The following BANP variants were observed in gnomAD, a reference collection of about 807,000 sequenced individuals.
BANP encodes the protein protein BANP.
In BANP, 11 loss-of-function variants were observed where a neutral mutation model predicts 68.1. That is an observed-to-expected ratio of 0.16 (90% CI 0.10 to 0.27). The LOEUF (loss-of-function observed/expected upper bound fraction) is 0.27. Ranked by LOEUF, BANP falls within the 10% of genes least tolerant of loss-of-function variation. The pLI, the probability that BANP is intolerant of heterozygous loss-of-function variation, is 1.00. For synonymous variants in BANP, 329 were observed against 303.2 expected, an observed-to-expected ratio of 1.09 and a Z score of -0.88; for missense variants, 504 against 722.7, an observed-to-expected ratio of 0.70 and a Z score of 3.47.
chr16:88,031,664 G>T (rs1026716040), intron 8 of BANP, among the ~76,000 whole-genome samples: 3 of 145,432 alleles, frequency 2.1e-5, no homozygotes, highest in African/African-American at 7.9e-5. Context: ...AAAAAAAAAA[G>T]AAACCCAACA....
intron 1 of BANP, among the ~76,000 whole-genome samples, chr16:87,969,554 A>G (rs1159365477): frequency 7.1e-6 from 1 of 140,898 alleles, no homozygotes; most frequent in African/African-American, 2.7e-5. Flanking sequence ...TTTTTTTGAG[A>G]CAGAGTCTCC....
intron 13 of BANP, among the ~76,000 whole-genome samples, chr16:88,073,335 T>C (rs8062855): frequency 0.22 from 34,039 of 152,136 alleles, 4,039 homozygotes; most frequent in South Asian, 0.28. Context: ...CTGTAGAAGG[T>C]CTGGCCCCTC....
At position 88,077,189 on chromosome 16, in the gene BANP, C is replaced by T. The variant is rs2091736118; in HGVS notation, c.*528C>T. 6.5e-6 allele frequency: 1 copy of T among 153,218 alleles called. No individual in the cohort carries two copies. The highest frequency in any genetic ancestry group is 2.4e-5 in the African/African-American group (1 of 41,454). The allele number at this position is 153,218 out of a possible 1,614,324, so 9.5% of individuals were successfully genotyped here. A position where few individuals can be genotyped will look rare whatever the true frequency, so the allele number is the denominator to read the frequency against. On this transcript the variant is annotated 3_prime_UTR_variant, in exon 14 of 14. Coordinates refer to ENST00000682872, the MANE Select transcript of BANP (RefSeq NM_001386991.1). ...CTTTGCTGTGTGCTCTGTCCAGTGT[C>T]ATGAGGCAGGTGTTTGCAAAGCCAG...
intron 1 of BANP, among the ~76,000 whole-genome samples, chr16:87,969,262 T>C (rs1455795171): frequency 6.6e-6 from 1 of 151,846 alleles, no homozygotes; most frequent in Non-Finnish European, 1.5e-5. Flanking sequence ...TTGTTGTTTG[T>C]ATGTAGGTCT....
intron 1 of BANP, among the ~76,000 whole-genome samples, chr16:87,965,138 A>T (rs1378509278): frequency 2.0e-5 from 3 of 152,088 alleles, no homozygotes; most frequent in Non-Finnish European, 4.4e-5. Flanking sequence ...CAGGAAGTGG[A>T]TGTGGGACCA....
At chr16:87,987,176 T>C (rs1372694716) in intron 4 of BANP, among the ~76,000 whole-genome samples, 2 of 152,096 alleles carry the variant, frequency 1.3e-5, no homozygotes, top group South Asian at 2.1e-4. Context: ...CCTCCCAGGC[T>C]CAAGCAATTC....
chr16:87,977,418 C>CAAAA (rs56077067), intron 2 of BANP, among the ~76,000 whole-genome samples: 46,823 of 139,608 alleles, frequency 0.34, 9,053 homozygotes, highest in Non-Finnish European at 0.46. Flanking sequence ...GACTCCGTCT[C>CAAAA]AAAAAAAAAA....
chr16:87,958,362 C>T lies in BANP; in HGVS notation c.-69+6847C>T, dbSNP rs113772471. 7.9e-5 allele frequency among the ~76,000 whole-genome samples: 12 copies of T among 152,252 alleles called. 1 individual carries two copies. The highest frequency in any genetic ancestry group is 2.6e-4 in the African/African-American group (11 of 41,542). On this transcript the variant is annotated intron_variant, in intron 1 of 13. Transcript: ENST00000682872. ...AAGGAGCATGGTTCGGAGTGGCTAA[C>T]GGGTAGGTATCGACTCAGGAAACTT...
intron 4 of BANP, among the ~76,000 whole-genome samples, chr16:87,995,909 C>G (rs2067065672): frequency 6.6e-6 from 1 of 152,212 alleles, no homozygotes. Flanking sequence ...TCCTGCGGTG[C>G]CCGGGGTGCG....
Position 88,024,159 on chromosome 16 carries a change from C to T in BANP, c.896-3324C>T, listed in dbSNP as rs766960342. Among the ~76,000 whole-genome samples the T allele has an allele frequency of 3.9e-5, 6 of 152,298 alleles. No homozygotes were observed. In the East Asian group the frequency reaches 1.2e-3, roughly 29 times the overall value. On this transcript the variant is annotated intron_variant, in intron 7 of 13. Transcript: ENST00000682872. ...GAGGGAGCTCAGGACAGCAGAGTCA[C>T]GTGTGCGGGGCTGTGCGTGTTCTTC...
chr16:87,956,445 C>G (rs1401471717), intron 1 of BANP: 3 of 152,264 alleles, frequency 2.0e-5, no homozygotes, highest in Non-Finnish European at 2.9e-5. Flanking sequence ...CAGAAGTGCT[C>G]TGAACCATCC....
intron 4 of BANP, 63 bp downstream of exon 4, chr16:87,984,322 G>T: frequency 2.2e-6 from 3 of 1,383,500 alleles, no homozygotes; most frequent in South Asian, 1.3e-5. Flanking sequence ...TCACCTCCTC[G>T]CCCAGGCCCG....
chr16:87,964,513 A>T (rs749590920), intron 1 of BANP, among the ~76,000 whole-genome samples: 107 of 152,362 alleles, frequency 7.0e-4, no homozygotes, highest in South Asian at 2.1e-3. Context: ...CCTGAGAAGC[A>T]TGGGGAGGCC....
chr16:88,065,308 C>G lies in BANP; in HGVS notation c.1353C>G (p.Ser451=), dbSNP rs757357170. The change falls in exon 12 of 14, where the codon TCC becomes TCG. Residue 451 remains serine, a synonymous_variant. Coordinates refer to ENST00000682872, the MANE Select transcript of BANP (RefSeq NM_001386991.1). ...ATRIPCLLAP[S]VFKASSGQVL... ...GCATCCCCTGCCTCCTGGCCCCATC[C>G]GTCTTCAAAGCCAGCAGTGGCCAGG... is the stretch of plus-strand genomic sequence containing the variant. 1.3e-6 allele frequency: 1 copy of G among 770,010 alleles called. No homozygotes were observed. The highest frequency in any genetic ancestry group is 1.7e-5 in the African/African-American group (1 of 59,136). 47.7% of individuals were successfully genotyped at this position (770,010 alleles called of 1,614,324 possible).
chr16:87,968,125 G>A (rs1054662088), intron 1 of BANP, among the ~76,000 whole-genome samples: 2 of 151,662 alleles, frequency 1.3e-5, no homozygotes, highest in African/African-American at 2.4e-5. Context: ...ACCCCAAAAC[G>A]TTTTAAATGC....
intron 4 of BANP, among the ~76,000 whole-genome samples, chr16:87,994,046 A>G (rs1424606129): frequency 6.6e-6 from 1 of 151,982 alleles, no homozygotes; most frequent in Non-Finnish European, 1.5e-5. Flanking sequence ...CCCTGGCGTT[A>G]GAGACCAGGA....
intron 5 of BANP, 33 bp from the exon 6 acceptor site, chr16:88,006,057 A>G (rs756491605): frequency 6.2e-7 from 1 of 1,612,876 alleles, no homozygotes; most frequent in African/African-American, 1.3e-5. Context: ...GGCTCTTACC[A>G]CATCGGGCTG....
In BANP at chr16:88,003,472, C is replaced by T. The variant is rs1456435847; in HGVS notation, c.363-823C>T. On this transcript the variant is annotated intron_variant, in intron 4 of 13. Transcript: ENST00000682872. The surrounding 1 kb of genome is among the most constrained non-coding windows in gnomAD (Gnocchi z 6.1). ...GTTGTGTTTCTAGTGCTAGTTCTTT[C>T]TCTCCCCAGCCTTCCACAACAAAGC... is the stretch of plus-strand genomic sequence containing the variant. 2 of 456,156 alleles carry T rather than the reference C, an allele frequency of 4.4e-6. No individual in the cohort carries two copies. The highest frequency in any genetic ancestry group is 8.8e-6 in the Non-Finnish European group (2 of 226,978). 28.3% of individuals were successfully genotyped at this position (456,156 alleles called of 1,614,324 possible).
At chr16:88,049,131 G>A (rs140242927) in intron 11 of BANP, among the ~76,000 whole-genome samples, 72 of 152,156 alleles carry the variant, frequency 4.7e-4, no homozygotes, top group Non-Finnish European at 7.5e-4. Flanking sequence ...AGACAGCGTC[G>A]GATCCCATGG....
Sources: gnomAD v4.1 joint callset for allele counts (sites outside exome capture counted in the v4.1 genomes callset) on GRCh38, gnomAD v4.1.1 for gene constraint, Gnocchi (gnomAD v3.1) non-coding constraint, MANE v1.5 for transcripts, NCBI Gene and HGNC (gene_info 2026-07-23, HGNC 2026-07-21) for gene names.